MAP3K7: variants seen among roughly 807,000 people sequenced by gnomAD.
MAP3K7 encodes TGF-beta activated kinase 1.
Under a neutral mutation model 84.8 loss-of-function variants are expected in MAP3K7, and 21 were observed. The observed-to-expected ratio is 0.25, with a 90% confidence interval of 0.18 to 0.36. The LOEUF is 0.36. Among genes scored for constraint, MAP3K7 ranks in the 10% least tolerant of loss-of-function variants. The pLI is 1.00. For missense variants in MAP3K7, 503 were observed against 747.7 expected (o/e 0.67, Z 3.82); for synonymous variants, 241 against 247.7 (o/e 0.97, Z 0.25).
chr6:90,561,344 A>G (rs1313403584), intron 4 of MAP3K7, among the ~76,000 whole-genome samples: 1 of 152,110 alleles, frequency 6.6e-6, no homozygotes, highest in African/African-American at 2.4e-5. Flanking sequence ...AAATCTGAAG[A>G]TATTTTAAAA....
chr6:90,584,761 A>G (rs1383509972), intron 1 of MAP3K7, among the ~76,000 whole-genome samples: 1 of 152,202 alleles, frequency 6.6e-6, no homozygotes, highest in Non-Finnish European at 1.5e-5. Context: ...TTATTATTAT[A>G]TAACAATTTG....
intron 3 of MAP3K7, 44 bp downstream of exon 3, chr6:90,568,514 C>T: frequency 6.6e-7 from 1 of 1,506,784 alleles, no homozygotes; most frequent in Non-Finnish European, 9.1e-7. Flanking sequence ...ACACATCTGC[C>T]ATGTCATTTC....
chr6:90,524,112 T>C lies in MAP3K7; in HGVS notation c.1357-329A>G, dbSNP rs892178366. On this transcript the variant is annotated intron_variant, in intron 13 of 16. Transcript: ENST00000369329. ...TAGAGCTACTGTTTTCACAGGCTGCTGCACTCAGAGGAATGGACCATAAAG... is the reference window on the plus strand; with the variant it reads ...TAGAGCTACTGTTTTCACAGGCTGCCGCACTCAGAGGAATGGACCATAAAG... Among the ~76,000 whole-genome samples, 83 of 152,148 alleles carry C rather than the reference T, an allele frequency of 5.5e-4. 2 individuals are homozygous for C. Among genetic ancestry groups the C allele is most frequent in the Non-Finnish European group, 8.8e-5 (6 of 68,036 alleles).
In MAP3K7 at chr6:90,586,889, C is replaced by G; in HGVS notation, c.-6G>C. On this transcript the variant is annotated 5_prime_UTR_variant, in exon 1 of 17. Coordinates refer to ENST00000369329, the MANE Select transcript of MAP3K7 (RefSeq NM_145331.3). ...GCGGCAGAGGCTGTAGACATGATCC[C>G]TCGCGGCGCCCGGTGGGGCCGGGAA... is the stretch of plus-strand genomic sequence containing the variant. The G allele has an allele frequency of 6.2e-7, 1 of 1,602,310 alleles. No homozygotes were observed. Among genetic ancestry groups the G allele is most frequent in the Non-Finnish European group, 8.5e-7 (1 of 1,175,714 alleles).
chr6:90,555,498 G>A (rs1400986952), intron 6 of MAP3K7, among the ~76,000 whole-genome samples: 1 of 151,974 alleles, frequency 6.6e-6, no homozygotes, highest in Non-Finnish European at 1.5e-5. Flanking sequence ...CTCATGATCC[G>A]CCCACCTCAG....
chr6:90,542,159 C>T, intron 12 of MAP3K7: 1 of 849,608 alleles, frequency 1.2e-6, no homozygotes, highest in African/African-American at 1.8e-5. Flanking sequence ...AATTAAGTAT[C>T]ACCCTTCTTT....
At chr6:90,548,985 G>C (rs35009866) in intron 9 of MAP3K7, among the ~76,000 whole-genome samples, 10,714 of 152,052 alleles carry the variant, frequency 0.07, 375 homozygotes, top group South Asian at 0.092. Context: ...AATGGAGTCA[G>C]CTCAAGAAAG....
At position 90,552,101 on chromosome 6, in the gene MAP3K7, G is replaced by C; in HGVS notation, c.815C>G (p.Ser272Cys). ...LMTRCWSKDPSQRPSMEEIVK... is the reference protein window; with the variant it reads ...LMTRCWSKDPCQRPSMEEIVK... ...AATTTCCTCCATTGAAGGGCGCTGGGAAGGATCTTTAGACCAACAACGAGT... is the reference window on the plus strand; with the variant it reads ...AATTTCCTCCATTGAAGGGCGCTGGCAAGGATCTTTAGACCAACAACGAGT... The change falls in exon 8 of 17, where the codon TCC (serine) becomes TGC (cysteine). Residue 272 changes from serine (S) to cysteine (C), a missense_variant. Physicochemically the swap from Ser to Cys is moderately radical, Grantham distance 112. Around this residue, in one of 5 missense-constraint regions of MAP3K7, gnomAD observed 286 missense variants for 313.6 expected, o/e 0.91. Coordinates refer to ENST00000369329, the MANE Select transcript of MAP3K7 (RefSeq NM_145331.3). 6.2e-7 allele frequency: 1 copy of C among 1,613,112 alleles called. No homozygotes were observed. Among genetic ancestry groups the C allele is most frequent in the Non-Finnish European group, 8.5e-7 (1 of 1,179,322 alleles).
intron 2 of MAP3K7, among the ~76,000 whole-genome samples, chr6:90,570,684 T>C (rs1322170124): frequency 6.6e-6 from 1 of 152,182 alleles, no homozygotes; most frequent in African/African-American, 2.4e-5. Context: ...CATGCACATC[T>C]CATCTGGATT....
chr6:90,575,076 T>C (rs950300944), intron 1 of MAP3K7, among the ~76,000 whole-genome samples: 2 of 152,142 alleles, frequency 1.3e-5, no homozygotes, highest in Admixed American at 1.3e-4. Context: ...AGGAGTGAGA[T>C]TATAAGCACA....
In MAP3K7 at chr6:90,584,058, TAC is replaced by T. The variant is rs143554720; in HGVS notation, c.120+2704_120+2705del. On this transcript the variant is annotated intron_variant, in intron 1 of 16. Coordinates refer to ENST00000369329, the MANE Select transcript of MAP3K7 (RefSeq NM_145331.3). ...CCTGTAGTTGAATTATTATTTTTTT[TAC>T]AGTTTCTAATTATATTGATATAATA... Among the ~76,000 whole-genome samples, 711 of 152,338 alleles carry T rather than the reference TAC, an allele frequency of 4.7e-3. 7 individuals are homozygous for T. The highest frequency in any genetic ancestry group is 0.016 in the African/African-American group (671 of 41,570).
rs1286384168 is a variant in MAP3K7 at position 90,514,447 on chromosome 6, G to A, written c.*2054C>T. 2 of 151,954 alleles carry A rather than the reference G, an allele frequency of 1.3e-5. No homozygotes were observed. Among genetic ancestry groups the A allele is most frequent in the African/African-American group, 4.8e-5 (2 of 41,398 alleles). 9.4% of individuals were successfully genotyped at this position (151,954 alleles called of 1,614,324 possible). ...TAAACAAACAAGCAACTGTTCAACA[G>A]CCTCTTGCATTTGGTACCATGACTA... On this transcript the variant is annotated 3_prime_UTR_variant, in exon 17 of 17. Transcript: ENST00000369329.
intron 12 of MAP3K7, among the ~76,000 whole-genome samples, chr6:90,543,089 CGGT>C (rs1562089817): frequency 3.6e-5 from 3 of 83,886 alleles, no homozygotes; most frequent in East Asian, 2.4e-4. Flanking sequence ...CACAGTTCAG[CGGT>C]ATGTAAGTTT....
Position 90,550,110 on chromosome 6 carries a change from G to A in MAP3K7, c.949+358C>T, listed in dbSNP as rs201196233. Among the ~76,000 whole-genome samples, 16 of 152,118 alleles carry A rather than the reference G, an allele frequency of 1.1e-4. No homozygotes were observed. In the East Asian group the frequency reaches 2.1e-3, roughly 20 times the overall value. On this transcript the variant is annotated intron_variant, in intron 9 of 16. Coordinates refer to ENST00000369329, the MANE Select transcript of MAP3K7 (RefSeq NM_145331.3). ...GAAGAGAACAAAAACTAGGGTGTTC[G>A]TGATGAAGAAATGTTTAAATACATT... is the stretch of plus-strand genomic sequence containing the variant.
chr6:90,553,146 A>T (rs1776232284), intron 7 of MAP3K7, among the ~76,000 whole-genome samples: 1 of 152,058 alleles, frequency 6.6e-6, no homozygotes, highest in Non-Finnish European at 1.5e-5. Flanking sequence ...TATTTTTTCC[A>T]TGATCCAGCC....
At chr6:90,586,620 C>T in intron 1 of MAP3K7, 144 bp downstream of exon 1, 6 of 1,095,856 alleles carry the variant, frequency 5.5e-6, no homozygotes, top group Middle Eastern at 3.1e-4. Flanking sequence ...TCCCACGTTA[C>T]TGAGGGCTGT....
At chr6:90,576,079 C>A (rs1313981071) in intron 1 of MAP3K7, among the ~76,000 whole-genome samples, 1 of 151,950 alleles carries the variant, frequency 6.6e-6, no homozygotes, top group African/African-American at 2.4e-5. Context: ...ATGCTATGAC[C>A]AAGAGACTAG....
chr6:90,525,284 A>C (rs1775285119), intron 13 of MAP3K7, among the ~76,000 whole-genome samples: 1 of 152,160 alleles, frequency 6.6e-6, no homozygotes, highest in Non-Finnish European at 1.5e-5. Flanking sequence ...GGTCCAAAAA[A>C]TTACTAGAGA....
intron 1 of MAP3K7, among the ~76,000 whole-genome samples, chr6:90,586,525 A>T: frequency 6.6e-6 from 1 of 152,192 alleles, no homozygotes; most frequent in Admixed American, 6.5e-5. Flanking sequence ...TTATCACCGG[A>T]ATATCAAATC....
Sources: allele counts gnomAD v4.1 joint callset (sites outside exome capture counted in the v4.1 genomes callset), GRCh38; gene constraint gnomAD v4.1.1; regional missense constraint gnomAD v4.1.1; transcripts MANE v1.5; gene names NCBI Gene and HGNC (gene_info 2026-07-23, HGNC 2026-07-21).